Variants in HABP2 observed in about 807,000 individuals in gnomAD.
HABP2 encodes hyaluronan binding protein 2.
Under a neutral mutation model 66.5 loss-of-function variants are expected in HABP2, and 65 were observed. That is an observed-to-expected ratio of 0.98 (90% confidence interval 0.80 to 1.20). The LOEUF is 1.20. Among genes scored for constraint, HABP2 ranks in the 50% most tolerant of loss-of-function variants. HABP2 has a pLI of 0.00. For synonymous variants in HABP2, 263 were observed against 253.9 expected (o/e 1.04, Z -0.34); for missense variants, 786 against 691.0 (o/e 1.14, Z -1.54).
At chr10:113,568,314 A>G (rs539895955) in intron 2 of HABP2, among the ~76,000 whole-genome samples, 9 of 152,358 alleles carry the variant, frequency 5.9e-5, no homozygotes, top group African/African-American at 1.9e-4. Context: ...TCACCCACAG[A>G]GCGCCATAGC....
At chr10:113,568,230 G>T (rs557310952) in intron 2 of HABP2, among the ~76,000 whole-genome samples, 2 of 152,208 alleles carry the variant, frequency 1.3e-5, no homozygotes, top group Admixed American at 6.5e-5. Context: ...GCTCTGAGCC[G>T]CAGTGGAGAA....
Position 113,582,148 on chromosome 10 carries a change from G to A in HABP2, c.1094+17G>A. 1 of 1,593,330 alleles carries A rather than the reference G, an allele frequency of 6.3e-7. No individual in the cohort carries two copies. The stretch of plus-strand genomic sequence containing the variant: ...CTGCACCGAGTAGGTGCCGCTGGGA[G>A]CAGGGACCAGGGTGGCTTGAGTGGC... On this transcript the variant is annotated intron_variant, in intron 9 of 12. Transcript: ENST00000351270.
intron 2 of HABP2, chr10:113,569,587 G>A (rs3850691): frequency 0.8 from 121,959 of 152,356 alleles, 48,912 homozygotes; most frequent in East Asian, 0.93. Flanking sequence ...ACAGTCCCCA[G>A]TGGGTGGTGG....
chr10:113,580,064 GCCACTGCA>G (rs950655182), intron 7 of HABP2, among the ~76,000 whole-genome samples: 1 of 151,374 alleles, frequency 6.6e-6, no homozygotes, highest in African/African-American at 2.4e-5. Context: ...ACAGGCATGA[GCCACTGCA>G]CCCGGCCATG....
chr10:113,556,245 A>T (rs900146546), intron 1 of HABP2, among the ~76,000 whole-genome samples: 17 of 152,312 alleles, frequency 1.1e-4, no homozygotes, highest in African/African-American at 4.1e-4. Context: ...GATTGACTCC[A>T]AGAGTATTTT....
chr10:113,588,292 AGGCCAGGGGTC>A lies in HABP2; in HGVS notation c.1607_1617del (p.Arg536IlefsTer18), dbSNP rs1464352298. ...GAGCTGGGGCCTGGAGTGTGGGAAG[AGGCCAGGGGTC>A]TACACCCAAGTTACCAAATTCCTGA... is the stretch of plus-strand genomic sequence containing the variant. On this transcript the variant is annotated frameshift_variant, in exon 13 of 13. Coordinates refer to ENST00000351270, the MANE Select transcript of HABP2 (RefSeq NM_004132.5). LOFTEE classifies it high-confidence loss of function. 1 of 1,613,594 alleles carries A rather than the reference AGGCCAGGGGTC, an allele frequency of 6.2e-7. No homozygotes were observed. The highest frequency in any genetic ancestry group is 1.3e-5 in the African/African-American group (1 of 74,912).
At chr10:113,556,528 G>T (rs117409443) in intron 1 of HABP2, among the ~76,000 whole-genome samples, 1 of 152,014 alleles carries the variant, frequency 6.6e-6, no homozygotes, top group Non-Finnish European at 1.5e-5. Context: ...TAGCAACATA[G>T]CAAGACTCTG....
intron 1 of HABP2, among the ~76,000 whole-genome samples, chr10:113,566,239 G>A (rs1385557267): frequency 1.3e-5 from 2 of 152,212 alleles, no homozygotes; most frequent in Non-Finnish European, 2.9e-5. Flanking sequence ...TAAAATGTCA[G>A]ATAGTAAATG....
At chr10:113,584,466 T>G (rs529412062) in intron 11 of HABP2, among the ~76,000 whole-genome samples, 184 bp downstream of exon 11, 1 of 152,356 alleles carries the variant, frequency 6.6e-6, no homozygotes, top group African/African-American at 2.4e-5. Context: ...GAGCCTTCCC[T>G]GAGTTTCTCT....
At chr10:113,562,280 T>A (rs1015004678) in intron 1 of HABP2, among the ~76,000 whole-genome samples, 3 of 152,170 alleles carry the variant, frequency 2.0e-5, no homozygotes, top group African/African-American at 4.8e-5. Context: ...AAGTGGGCAG[T>A]GGCTTACGTG....
In HABP2 at chr10:113,589,467, C is replaced by T; in HGVS notation, c.*1098C>T. The T allele has an allele frequency of 1.6e-6, 1 of 632,694 alleles. No individual in the cohort carries two copies. The highest frequency in any genetic ancestry group is 2.7e-6 in the Non-Finnish European group (1 of 371,148). 39.2% of individuals were successfully genotyped at this position (632,694 alleles called of 1,614,324 possible). ...CTAATGGCTGTGACTTCAGAGAAAG[C>T]CCTGCAGGAAGTTTAACCTGCGTGT... is the stretch of plus-strand genomic sequence containing the variant. On this transcript the variant is annotated 3_prime_UTR_variant, in exon 13 of 13. Transcript: ENST00000351270.
chr10:113,572,124 T>C (rs1845325669), intron 2 of HABP2, among the ~76,000 whole-genome samples: 1 of 152,240 alleles, frequency 6.6e-6, no homozygotes, highest in African/African-American at 2.4e-5. Flanking sequence ...TGAGCTCTGC[T>C]CGTTCTATCC....
At chr10:113,589,586 TAAACTTTGAAAAG>T in exon 13 of HABP2, 5 of 1,531,178 alleles carry the variant, frequency 3.3e-6, no homozygotes, top group Non-Finnish European at 4.4e-6. Flanking sequence ...TGGCCAAAAA[TAAACTTTGAAAAG>T]AAACAATGAG....
At chr10:113,577,028 C>T in intron 4 of HABP2, 122 bp from the exon 5 acceptor site, 2 of 702,902 alleles carry the variant, frequency 2.8e-6, no homozygotes, top group South Asian at 1.7e-5. Flanking sequence ...CCCAGTGTTT[C>T]AGGACCACGG....
chr10:113,574,944 T>G (rs545439716), intron 3 of HABP2, among the ~76,000 whole-genome samples: 1 of 152,168 alleles, frequency 6.6e-6, no homozygotes, highest in Non-Finnish European at 1.5e-5. Flanking sequence ...TGTGTATGTG[T>G]GCATATGTGT....
rs1216226132 is a variant in HABP2, at chr10:113,588,869, A to G, written c.*500A>G. The G allele has an allele frequency of 5.2e-6, 4 of 771,524 alleles. No individual in the cohort carries two copies. The highest frequency in any genetic ancestry group is 9.1e-6 in the Non-Finnish European group (4 of 441,514). The allele number at this position is 771,524 out of a possible 1,614,324, so 47.8% of individuals were successfully genotyped here. Reference sequence around the variant, plus strand: ...TTATTTTAATAAAGGAAGATCTGGGATGGGCTGGTGGGCCATTCCAGCTTG... The same window carrying G: ...TTATTTTAATAAAGGAAGATCTGGGGTGGGCTGGTGGGCCATTCCAGCTTG... On this transcript the variant is annotated 3_prime_UTR_variant, in exon 13 of 13. Transcript: ENST00000351270.
At chr10:113,551,825 T>G (rs183320068), upstream of HABP2, among the ~76,000 whole-genome samples, 224 of 150,646 alleles carry the variant, frequency 1.5e-3, 3 homozygotes, top group African/African-American at 5.3e-3. Flanking sequence ...ATAATAATAA[T>G]AATAAAAAGA....
chr10:113,584,083 G>T, intron 10 of HABP2, 65 bp from the exon 11 acceptor site: 2 of 1,468,210 alleles, frequency 1.4e-6, no homozygotes, highest in Non-Finnish European at 9.5e-7. Flanking sequence ...TGAGCAAGTT[G>T]GAGCTGGTGC....
At position 113,585,957 on chromosome 10, in the gene HABP2, T is replaced by C; in HGVS notation, c.1518+19T>C. On this transcript the variant is annotated intron_variant, in intron 12 of 12. Transcript: ENST00000351270. ...CTGCCAGGTCAGAGACTCCAAGTGG[T>C]GCTTGTGGTAGGAGAGGCTAGCAGG... 2 of 1,611,266 alleles carry C rather than the reference T, an allele frequency of 1.2e-6. No homozygotes were observed. Among genetic ancestry groups the C allele is most frequent in the South Asian group, 1.1e-5 (1 of 91,010 alleles).
Sources: gnomAD v4.1 joint callset for allele counts (sites outside exome capture counted in the v4.1 genomes callset) on GRCh38, gnomAD v4.1.1 for gene constraint, MANE v1.5 for transcripts, NCBI Gene and HGNC (gene_info 2026-07-23, HGNC 2026-07-21) for gene names.